Variants in MTR observed in about 807,000 individuals in gnomAD.
MTR encodes the protein methionine synthase.
In MTR, 84 loss-of-function variants were observed where a neutral mutation model predicts 154.8. That is an observed-to-expected ratio of 0.54 (90% confidence interval 0.45 to 0.65). The LOEUF (loss-of-function observed/expected upper bound fraction) is 0.65. Ranked by LOEUF, MTR falls within the 30% of genes least tolerant of loss-of-function variation. The probability of loss-of-function intolerance (pLI) is 0.00; values close to 1 mark genes in which losing one functional copy is unlikely to be tolerated. For missense variants in MTR, 1,275 were observed against 1,570.2 expected, an observed-to-expected ratio of 0.81 and a Z score of 3.18; for synonymous variants, 554 against 553.9, an observed-to-expected ratio of 1.00 and a Z score of 0.00.
At chr1:236,861,088 T>C in intron 19 of MTR, 37 bp from the exon 20 acceptor site, 1 of 1,504,512 alleles carries the variant, frequency 6.6e-7, no homozygotes, top group Non-Finnish European at 8.9e-7. Flanking sequence ...TTTTTCTTTC[T>C]TTCTTTTTCT....
chr1:236,870,430 G>T (rs903313743), intron 22 of MTR, among the ~76,000 whole-genome samples: 2 of 152,198 alleles, frequency 1.3e-5, no homozygotes, highest in Admixed American at 1.3e-4. Flanking sequence ...CTGTCTAGAT[G>T]TGTGTTTCTC....
In MTR at chr1:236,894,343, T is replaced by C; in HGVS notation, c.3205-14T>C. Reference sequence around the variant, plus strand: ...ACGGCGCCCCCGCACACTCCTACACTCCTTGGTTTTAAGGCTGAGAAGGAC... The same window carrying C: ...ACGGCGCCCCCGCACACTCCTACACCCCTTGGTTTTAAGGCTGAGAAGGAC... On this transcript the variant is annotated splice_polypyrimidine_tract_variant and intron_variant, in intron 29 of 32. Transcript: ENST00000366577. 1 of 1,614,140 alleles carries C rather than the reference T, an allele frequency of 6.2e-7. No individual in the cohort carries two copies.
chr1:236,852,646 G>C lies in MTR; in HGVS notation c.1812+9G>C. On this transcript the variant is annotated intron_variant, in intron 17 of 32. Transcript: ENST00000366577. ...TTTACCATGCAATCAAGGTATGGTA[G>C]AAGAACTCTTAGCCCTGCGGAAACC... 1 of 1,607,948 alleles carries C rather than the reference G, an allele frequency of 6.2e-7. No homozygotes were observed. The highest frequency in any genetic ancestry group is 8.5e-7 in the Non-Finnish European group (1 of 1,174,390).
At chr1:236,894,238 C>T in intron 29 of MTR, 119 bp from the exon 30 acceptor site, 1 of 907,312 alleles carries the variant, frequency 1.1e-6, no homozygotes, top group Non-Finnish European at 1.8e-6. Flanking sequence ...TACAGGCTGC[C>T]ATCTGTGCGT....
intron 19 of MTR, among the ~76,000 whole-genome samples, chr1:236,860,737 T>C (rs968396499): frequency 2.0e-5 from 3 of 152,244 alleles, no homozygotes; most frequent in Non-Finnish European, 4.4e-5. Flanking sequence ...TTATTAGTCC[T>C]TCTCTGTTAG....
rs754204825 is a variant in MTR, at chr1:236,803,534, CGAA to C, written c.145_147del (p.Glu49del). On this transcript the variant is annotated inframe_deletion, in exon 2 of 33. Coordinates refer to ENST00000366577, the MANE Select transcript of MTR (RefSeq NM_000254.3). ...CCATGATCCAGCGGGAGAAGCTAAA[CGAA>C]GAACACTTCCGAGGTCAGGAATTTA... 6.2e-7 allele frequency: 1 copy of C among 1,614,100 alleles called. No homozygotes were observed. Among genetic ancestry groups the C allele is most frequent in the Admixed American group, 1.7e-5 (1 of 60,010 alleles).
intron 12 of MTR, among the ~76,000 whole-genome samples, chr1:236,830,469 C>T (rs540800389): frequency 1.1e-4 from 16 of 152,112 alleles, no homozygotes; most frequent in African/African-American, 3.9e-4. Context: ...ATTTGAATGT[C>T]GTACGCTATT....
At chr1:236,844,437 C>A (rs191302770) in intron 15 of MTR, among the ~76,000 whole-genome samples, 25 of 147,460 alleles carry the variant, frequency 1.7e-4, no homozygotes, top group Admixed American at 5.4e-4. Context: ...GGGGGAAATA[C>A]GAGGTTCAGA....
chr1:236,889,849 C>G (rs993544827), intron 28 of MTR, among the ~76,000 whole-genome samples: 14 of 152,132 alleles, frequency 9.2e-5, no homozygotes, highest in African/African-American at 3.4e-4. Flanking sequence ...TGAGAAGGCA[C>G]AGGCACATGT....
intron 19 of MTR, among the ~76,000 whole-genome samples, 198 bp downstream of exon 19, chr1:236,860,120 C>T (rs972388123): frequency 1.1e-4 from 13 of 119,504 alleles, no homozygotes; most frequent in African/African-American, 3.9e-4. Flanking sequence ...TGTTCAGAGA[C>T]ATTTTTGATT....
At chr1:236,880,910 A>G (rs1180456059) in intron 25 of MTR, 74 bp downstream of exon 25, 3 of 1,391,176 alleles carry the variant, frequency 2.2e-6, no homozygotes, top group African/African-American at 1.4e-5. Flanking sequence ...TTAACTTAAG[A>G]TCTATTCATT....
intron 1 of MTR, 129 bp from the exon 2 acceptor site, chr1:236,803,294 AGAGTT>A (rs1320815003): frequency 2.3e-6 from 2 of 885,390 alleles, no homozygotes; most frequent in African/African-American, 1.7e-5. Context: ...TTTCCTATAT[AGAGTT>A]ATGAGTGCAT....
intron 23 of MTR, 35 bp downstream of exon 23, chr1:236,873,875 ATGTCATATCCCCAGGTGTC>A: frequency 1.9e-6 from 3 of 1,581,736 alleles, no homozygotes; most frequent in South Asian, 2.2e-5. Flanking sequence ...ATTTCTCTAA[ATGTCATATCCCCAGGTGTC>A]TGTCATTTCC....
In MTR at chr1:236,835,691, A is replaced by T. The variant is rs1662867343; in HGVS notation, c.1329+4A>T. 1 of 1,613,076 alleles carries T rather than the reference A, an allele frequency of 6.2e-7. No individual in the cohort carries two copies. The highest frequency in any genetic ancestry group is 1.3e-5 in the African/African-American group (1 of 74,530). On this transcript the variant is annotated splice_donor_region_variant and intron_variant, in intron 14 of 32. Transcript: ENST00000366577. The stretch of plus-strand genomic sequence containing the variant: ...TTCCGAGCCAGACATCGCAAAGGTT[A>T]TACAAAGTTTATGTTTATCAGGGGG...
intron 1 of MTR, among the ~76,000 whole-genome samples, chr1:236,798,548 G>A (rs1660531748): frequency 6.6e-6 from 1 of 152,200 alleles, no homozygotes. Context: ...AAAATACTGT[G>A]TGATCTCTTA....
chr1:236,843,839 GGGATGGGGTAA>G (rs2103202535), intron 15 of MTR, among the ~76,000 whole-genome samples: 1 of 152,328 alleles, frequency 6.6e-6, no homozygotes, highest in South Asian at 2.1e-4. Context: ...AAGCAGGTTT[GGGATGGGGTAA>G]GGAGAAGTTT....
chr1:236,823,737 T>C (rs1242867556), intron 8 of MTR, among the ~76,000 whole-genome samples: 2 of 151,518 alleles, frequency 1.3e-5, no homozygotes, highest in Admixed American at 1.3e-4. Flanking sequence ...CCATTCTGTG[T>C]TCTTTCTGCC....
At chr1:236,826,127 GT>G (rs1258052737) in intron 10 of MTR, among the ~76,000 whole-genome samples, 2 of 152,102 alleles carry the variant, frequency 1.3e-5, no homozygotes, top group Non-Finnish European at 2.9e-5. Flanking sequence ...TGTGGCCAGT[GT>G]GACAGAGGAA....
chr1:236,885,336 T>C, intron 26 of MTR, 117 bp downstream of exon 26: 1 of 724,270 alleles, frequency 1.4e-6, no homozygotes, highest in East Asian at 2.7e-5. Flanking sequence ...TGGATCATTT[T>C]AGAGAATTTC....
Sources: gnomAD v4.1 joint callset for allele counts (sites outside exome capture counted in the v4.1 genomes callset) on GRCh38, gnomAD v4.1.1 for gene constraint, MANE v1.5 for transcripts, NCBI Gene and HGNC (gene_info 2026-07-23, HGNC 2026-07-21) for gene names.